DLG2: variants seen among roughly 807,000 people sequenced by gnomAD.
DLG2 encodes discs large MAGUK scaffold protein 2.
A neutral mutation model predicts 132.5 loss-of-function variants in DLG2; 45 were observed. The ratio of observed to expected loss-of-function variants is 0.34; its 90% CI spans 0.27 to 0.44. The LOEUF is 0.44. DLG2 is among the 20% of genes least tolerant of loss of function. The pLI, the probability that DLG2 is intolerant of heterozygous loss-of-function variation, is 1.00. For missense variants in DLG2, 1,045 were observed against 1,196.9 expected (o/e 0.87, Z 1.87); for synonymous variants, 424 against 419.6 (o/e 1.01, Z -0.13).
At chr11:83,468,751 C>T (rs564167109) in intron 25 of DLG2, among the ~76,000 whole-genome samples, 1 of 152,238 alleles carries the variant, frequency 6.6e-6, no homozygotes, top group Admixed American at 6.5e-5. Context: ...GCATCTACAC[C>T]TCCTCTAAGC....
chr11:83,855,893 G>C (rs1023271355), intron 16 of DLG2, among the ~76,000 whole-genome samples: 2 of 152,052 alleles, frequency 1.3e-5, no homozygotes, highest in Non-Finnish European at 2.9e-5. Flanking sequence ...AAACTTGTTT[G>C]TTGTACTTGA....
chr11:83,556,424 G>C (rs1027029428), intron 19 of DLG2, among the ~76,000 whole-genome samples: 1 of 150,900 alleles, frequency 6.6e-6, no homozygotes, highest in Non-Finnish European at 1.5e-5. Flanking sequence ...CCAGGCTGGA[G>C]TGCAGTGGCG....
chr11:83,607,269 G>A (rs1362869474), intron 19 of DLG2, among the ~76,000 whole-genome samples: 2 of 152,236 alleles, frequency 1.3e-5, no homozygotes, highest in African/African-American at 4.8e-5. Context: ...AGTTCACGAT[G>A]TACAGAGAAA....
chr11:84,133,814 T>C (rs1034678902), intron 9 of DLG2, among the ~76,000 whole-genome samples: 2 of 152,018 alleles, frequency 1.3e-5, no homozygotes, highest in African/African-American at 4.8e-5. Flanking sequence ...ATATTTCATA[T>C]ATTTCATAAC....
At chr11:85,453,763 A>G (rs961957327) in intron 3 of DLG2, 1 of 152,084 alleles carries the variant, frequency 6.6e-6, no homozygotes. Flanking sequence ...TACTCAACAT[A>G]ATCACCCCTC....
intron 4 of DLG2, among the ~76,000 whole-genome samples, chr11:85,181,041 TATTA>T (rs2079656687): frequency 6.6e-6 from 1 of 151,548 alleles, no homozygotes; most frequent in African/African-American, 2.4e-5. Context: ...ATCAATTGTT[TATTA>T]TTTAATATTC....
chr11:84,165,956 G>T (rs2095652658), intron 8 of DLG2, among the ~76,000 whole-genome samples: 1 of 152,102 alleles, frequency 6.6e-6, no homozygotes, highest in African/African-American at 2.4e-5. Flanking sequence ...TCTACAACAA[G>T]CTTTCGTGAA....
chr11:83,627,548 A>AT (rs2062800619), intron 19 of DLG2, among the ~76,000 whole-genome samples: 1 of 152,022 alleles, frequency 6.6e-6, no homozygotes, highest in African/African-American at 2.4e-5. Context: ...TGAACTCATC[A>AT]TTTCTTATGG....
chr11:84,142,704 C>T (rs2094906241), intron 9 of DLG2, among the ~76,000 whole-genome samples: 1 of 152,112 alleles, frequency 6.6e-6, no homozygotes, highest in Non-Finnish European at 1.5e-5. Flanking sequence ...GGAGGTGGGA[C>T]ATCCATTATC....
intron 6 of DLG2, among the ~76,000 whole-genome samples, chr11:85,079,373 G>A (rs1401796893): frequency 6.6e-6 from 1 of 152,012 alleles, no homozygotes; most frequent in Non-Finnish European, 1.5e-5. Flanking sequence ...GATATAATGG[G>A]GCATGTGGAC....
chr11:83,723,032 C>T (rs1045027988), intron 18 of DLG2, among the ~76,000 whole-genome samples: 1 of 152,088 alleles, frequency 6.6e-6, no homozygotes, highest in African/African-American at 2.4e-5. Context: ...AGGAACAAAG[C>T]CACTAAGAGG....
chr11:85,489,021 T>C (rs1292851877), intron 3 of DLG2, among the ~76,000 whole-genome samples: 1 of 151,772 alleles, frequency 6.6e-6, no homozygotes, highest in Non-Finnish European at 1.5e-5. Context: ...AAATAAATAA[T>C]TTAGAAAACA....
At chr11:85,603,374 A>G (rs1032579735) in intron 2 of DLG2, among the ~76,000 whole-genome samples, 39 of 152,282 alleles carry the variant, frequency 2.6e-4, no homozygotes, top group African/African-American at 8.4e-4. Flanking sequence ...CAATAATTAT[A>G]CTATACCTCT....
chr11:84,128,859 C>G (rs146915647), intron 9 of DLG2, among the ~76,000 whole-genome samples: 1 of 152,124 alleles, frequency 6.6e-6, no homozygotes, highest in Non-Finnish European at 1.5e-5. Flanking sequence ...TTTAAAAGTA[C>G]TTCCTCCAAC....
chr11:85,604,007 C>A (rs1042405317), intron 2 of DLG2, among the ~76,000 whole-genome samples: 4 of 152,182 alleles, frequency 2.6e-5, no homozygotes, highest in African/African-American at 7.2e-5. Context: ...CCCACAATCA[C>A]ATCTACAAAT....
chr11:84,591,815 T>C (rs1182451777), intron 6 of DLG2, among the ~76,000 whole-genome samples: 1 of 152,140 alleles, frequency 6.6e-6, no homozygotes, highest in Non-Finnish European at 1.5e-5. Context: ...AATCAGAATC[T>C]CTGTGGGGGT....
At chr11:85,122,464 T>C (rs562193918) in intron 5 of DLG2, among the ~76,000 whole-genome samples, 9 of 152,302 alleles carry the variant, frequency 5.9e-5, no homozygotes, top group African/African-American at 2.2e-4. Flanking sequence ...TTATTGATTA[T>C]AGTTGACTAA....
intron 6 of DLG2, among the ~76,000 whole-genome samples, chr11:84,559,943 C>G (rs2099421029): frequency 1.3e-5 from 2 of 151,984 alleles, no homozygotes. Context: ...TTGTTTTTAG[C>G]TATTATTTTG....
chr11:84,831,411 CTGAGA>C (rs2079042313), intron 6 of DLG2, among the ~76,000 whole-genome samples: 1 of 151,538 alleles, frequency 6.6e-6, no homozygotes, highest in Non-Finnish European at 1.5e-5. Flanking sequence ...CAAAAATAAA[CTGAGA>C]TAACTATCAT....
Sources: gnomAD v4.1 joint callset for allele counts (sites outside exome capture counted in the v4.1 genomes callset) on GRCh38, gnomAD v4.1.1 for gene constraint, MANE v1.5 for transcripts, NCBI Gene and HGNC (gene_info 2026-07-23, HGNC 2026-07-21) for gene names.